Variants in CCSER1 observed in about 807,000 individuals in gnomAD.
CCSER1 encodes the protein coiled-coil serine rich protein 1.
A neutral mutation model predicts 82.0 loss-of-function variants in CCSER1; 41 were observed. The observed-to-expected ratio is 0.50, with a 90% CI of 0.39 to 0.65. CCSER1 has a LOEUF of 0.65. Among genes scored for constraint, CCSER1 ranks in the 30% least tolerant of loss-of-function variants. The probability of loss-of-function intolerance (pLI) is 0.00; values close to 1 mark genes in which losing one functional copy is unlikely to be tolerated. For synonymous variants in CCSER1, 414 were observed against 383.9 expected, an observed-to-expected ratio of 1.08 and a Z score of -0.92; for missense variants, 1,119 against 1,064.2, an observed-to-expected ratio of 1.05 and a Z score of -0.72.
chr4:90,835,498 G>A (rs989247340), intron 8 of CCSER1, among the ~76,000 whole-genome samples: 1 of 152,050 alleles, frequency 6.6e-6, no homozygotes, highest in Non-Finnish European at 1.5e-5. Flanking sequence ...TATTACCGTG[G>A]AGCCATGAGA....
intron 5 of CCSER1, among the ~76,000 whole-genome samples, chr4:90,501,868 G>A (rs1049390660): frequency 7.2e-5 from 11 of 151,970 alleles, no homozygotes; most frequent in Admixed American, 5.2e-4. Context: ...TAAACTTGAT[G>A]TTAAATTGCT....
intron 10 of CCSER1, among the ~76,000 whole-genome samples, chr4:91,506,635 A>G (rs1402006412): frequency 6.6e-6 from 1 of 152,178 alleles, no homozygotes; most frequent in East Asian, 1.9e-4. Context: ...TAAAATAGGA[A>G]TAATGTGCTT....
intron 10 of CCSER1, among the ~76,000 whole-genome samples, chr4:91,283,995 A>C (rs184961920): frequency 6.6e-6 from 1 of 152,206 alleles, no homozygotes; most frequent in African/African-American, 2.4e-5. Context: ...TGTTTGTAGT[A>C]AATGGTTCCC....
At chr4:90,498,163 C>T (rs1298337107) in intron 5 of CCSER1, among the ~76,000 whole-genome samples, 2 of 152,022 alleles carry the variant, frequency 1.3e-5, no homozygotes, top group East Asian at 3.8e-4. Flanking sequence ...TACATACATA[C>T]ATAGATACTT....
chr4:91,110,216 G>A (rs900107377), intron 10 of CCSER1, among the ~76,000 whole-genome samples: 1 of 151,922 alleles, frequency 6.6e-6, no homozygotes, highest in Non-Finnish European at 1.5e-5. Flanking sequence ...TAACACATTT[G>A]TTGAGACACA....
intron 1 of CCSER1, among the ~76,000 whole-genome samples, chr4:90,217,710 A>G (rs1741344053): frequency 6.6e-6 from 1 of 152,116 alleles, no homozygotes; most frequent in Non-Finnish European, 1.5e-5. Flanking sequence ...TTGCCTGTTC[A>G]CTATGATATT....
At chr4:91,038,233 T>G (rs1460731781) in intron 9 of CCSER1, among the ~76,000 whole-genome samples, 2 of 152,172 alleles carry the variant, frequency 1.3e-5, no homozygotes, top group African/African-American at 4.8e-5. Flanking sequence ...GCTGGTGTAA[T>G]AAATTTTCAT....
intron 3 of CCSER1, among the ~76,000 whole-genome samples, chr4:90,332,199 T>C (rs1739420841): frequency 1.3e-5 from 2 of 152,150 alleles, no homozygotes; most frequent in South Asian, 2.1e-4. Context: ...ACTTTAGTTA[T>C]GCCACGTCGC....
At chr4:91,002,879 A>G (rs1738163561) in intron 9 of CCSER1, among the ~76,000 whole-genome samples, 1 of 152,120 alleles carries the variant, frequency 6.6e-6, no homozygotes, top group Non-Finnish European at 1.5e-5. Flanking sequence ...TTGGGTGGCT[A>G]TGTCAGAGGG....
intron 6 of CCSER1, among the ~76,000 whole-genome samples, chr4:90,646,533 CAA>C (rs1432172662): frequency 6.6e-6 from 1 of 152,054 alleles, no homozygotes; most frequent in Non-Finnish European, 1.5e-5. Context: ...AATTTCTACC[CAA>C]CCTTGCAAAA....
chr4:90,247,057 C>T (rs1021721438), intron 1 of CCSER1, among the ~76,000 whole-genome samples: 3 of 152,054 alleles, frequency 2.0e-5, no homozygotes, highest in South Asian at 4.1e-4. Context: ...GGGCAGGTAG[C>T]GCCTACAGCA....
intron 3 of CCSER1, among the ~76,000 whole-genome samples, chr4:90,320,839 A>C (rs1178190456): frequency 6.6e-6 from 1 of 152,088 alleles, no homozygotes; most frequent in Non-Finnish European, 1.5e-5. Flanking sequence ...CATACACTTA[A>C]CTCACTTCTT....
At position 90,943,243 on chromosome 4, in the gene CCSER1, C is replaced by T. The variant is rs1731808697; in HGVS notation, c.2172+19796C>T. Among the ~76,000 whole-genome samples, 4 of 152,036 alleles carry T rather than the reference C, an allele frequency of 2.6e-5. No individual in the cohort carries two copies. The South Asian group carries it at 8.3e-4, about 32-fold the overall frequency. On this transcript the variant is annotated intron_variant, in intron 9 of 10. Coordinates refer to ENST00000509176, the MANE Select transcript of CCSER1 (RefSeq NM_001145065.2). ...TAACTTTGGCAAGAAATATGCTACA[C>T]AGATTTTAATTTTGTTTACCTCGTG...
rs950911339 is a variant in CCSER1, at chr4:91,111,939, TTTTC to T, written c.2217+25951_2217+25954del. ...CCATTTTATATGCAGTCAAATAAAA[TTTTC>T]TTTCTAACCTTGGAAGGGCTACTCT... On this transcript the variant is annotated intron_variant, in intron 10 of 10. Coordinates refer to ENST00000509176, the MANE Select transcript of CCSER1 (RefSeq NM_001145065.2). Among the ~76,000 whole-genome samples, 40 of 151,524 alleles carry T rather than the reference TTTTC, an allele frequency of 2.6e-4. 1 individual carries two copies. Among genetic ancestry groups the T allele is most frequent in the African/African-American group, 9.4e-4 (39 of 41,274 alleles).
intron 10 of CCSER1, among the ~76,000 whole-genome samples, chr4:91,104,809 G>C (rs566464486): frequency 6.6e-6 from 1 of 152,208 alleles, no homozygotes; most frequent in Admixed American, 6.5e-5. Context: ...TCTTTACTCT[G>C]CTTATCCCTG....
At chr4:91,006,432 C>CA (rs912971974) in intron 9 of CCSER1, among the ~76,000 whole-genome samples, 7 of 149,374 alleles carry the variant, frequency 4.7e-5, no homozygotes, top group South Asian at 2.1e-4. Context: ...ATGTCATCTG[C>CA]AAAAAAAAGA....
At chr4:91,150,005 A>G (rs1729991335) in intron 10 of CCSER1, among the ~76,000 whole-genome samples, 2 of 152,018 alleles carry the variant, frequency 1.3e-5, no homozygotes, top group African/African-American at 4.8e-5. Context: ...GTTTTTTCCA[A>G]TTCTGTGGAG....
chr4:91,206,850 T>TTGG (rs1353149281), intron 10 of CCSER1, among the ~76,000 whole-genome samples: 1 of 151,906 alleles, frequency 6.6e-6, no homozygotes, highest in Non-Finnish European at 1.5e-5. Flanking sequence ...TATTTTTGAT[T>TTGG]TGGTATATGT....
chr4:91,225,305 TTATATATGTAA>T (rs1357065002), intron 10 of CCSER1, among the ~76,000 whole-genome samples: 1 of 73,122 alleles, frequency 1.4e-5, no homozygotes, highest in Non-Finnish European at 2.5e-5. Flanking sequence ...TGTATATATA[TTATATATGTAA>T]TATATATGTA....
Sources: allele counts gnomAD v4.1 joint callset (sites outside exome capture counted in the v4.1 genomes callset), GRCh38; gene constraint gnomAD v4.1.1; transcripts MANE v1.5; gene names NCBI Gene and HGNC (gene_info 2026-07-23, HGNC 2026-07-21).